The following B4GALT4 variants were observed in gnomAD, a reference collection of about 807,000 sequenced individuals.
B4GALT4 encodes the protein beta-1,4-galactosyltransferase 4.
Under a neutral mutation model 37.3 loss-of-function variants are expected in B4GALT4, and 27 were observed. The ratio of observed to expected loss-of-function variants is 0.72; its 90% CI spans 0.53 to 1.00. B4GALT4 has a LOEUF of 1.00. Ranked by LOEUF, B4GALT4 falls within the 50% of genes least tolerant of loss-of-function variation. The pLI is 0.00. For synonymous variants in B4GALT4, 148 were observed against 154.1 expected (o/e 0.96, Z 0.29); for missense variants, 372 against 413.1 (o/e 0.90, Z 0.86).
intron 2 of B4GALT4, chr3:119,235,376 G>C (rs1471082817): frequency 6.6e-6 from 1 of 152,134 alleles, no homozygotes; most frequent in Non-Finnish European, 1.5e-5. Context: ...AAGGAGAAAG[G>C]GTGTGTTCAT....
intron 1 of B4GALT4, among the ~76,000 whole-genome samples, chr3:119,238,558 T>C (rs2079053445): frequency 1.3e-5 from 2 of 152,192 alleles, no homozygotes; most frequent in Non-Finnish European, 2.9e-5. Flanking sequence ...CGGTAAGATA[T>C]TTTGAGAAAG....
chr3:119,217,627 G>C lies in B4GALT4; in HGVS notation c.797+1023C>G, dbSNP rs370508968. Among the ~76,000 whole-genome samples, 4 of 152,270 alleles carry C rather than the reference G, an allele frequency of 2.6e-5. No homozygotes were observed. The East Asian group carries it at 5.8e-4, about 22-fold the overall frequency. ...AGGCCAAGGCAGACAGATCACCTGA[G>C]GTCAGGAGTTCGAGATCAGCCTGGC... On this transcript the variant is annotated intron_variant, in intron 6 of 7. Coordinates refer to ENST00000393765, the MANE Select transcript of B4GALT4 (RefSeq NM_003778.4).
intron 7 of B4GALT4, 137 bp downstream of exon 7, chr3:119,216,103 G>A: frequency 3.5e-6 from 2 of 567,580 alleles, no homozygotes; most frequent in Non-Finnish European, 5.6e-6. Flanking sequence ...CTCTCCTTTT[G>A]TGTCTGTTTG....
chr3:119,227,089 G>C (rs2078643951), intron 3 of B4GALT4, 48 bp from the exon 4 acceptor site: 5 of 1,553,160 alleles, frequency 3.2e-6, no homozygotes, highest in Non-Finnish European at 2.7e-6. Flanking sequence ...ACTTCAAAAA[G>C]TGTTGAGGTT....
At chr3:119,216,426 TTA>T in intron 6 of B4GALT4, 82 bp from the exon 7 acceptor site, 7 of 786,600 alleles carry the variant, frequency 8.9e-6, no homozygotes, top group African/African-American at 2.3e-5. Context: ...TTGCGAAAAT[TTA>T]TACACACACA....
At chr3:119,218,906 C>T (rs1273545964) in intron 5 of B4GALT4, 134 bp from the exon 6 acceptor site, 10 of 1,040,776 alleles carry the variant, frequency 9.6e-6, no homozygotes, top group Non-Finnish European at 1.4e-5. Context: ...TGCTTGACAC[C>T]CACCTCCCAA....
intron 3 of B4GALT4, 110 bp downstream of exon 3, chr3:119,229,737 G>T: frequency 8.7e-7 from 1 of 1,155,912 alleles, no homozygotes; most frequent in Non-Finnish European, 1.2e-6. Flanking sequence ...TGACACAGGA[G>T]ATATATATAT....
At chr3:119,219,349 T>C (rs1383060438) in intron 5 of B4GALT4, among the ~76,000 whole-genome samples, 5 of 152,212 alleles carry the variant, frequency 3.3e-5, no homozygotes, top group African/African-American at 9.6e-5. Flanking sequence ...CCCTCTGAAG[T>C]TTCTGGCCTG....
In B4GALT4 at chr3:119,212,584, T is replaced by C. The variant is rs150966320; in HGVS notation, c.1000A>G (p.Ile334Val). The change falls in exon 8 of 8, where the codon ATC becomes GTC. Residue 334 changes from isoleucine to valine, a missense_variant. By Grantham distance (29) the Ile-to-Val change is conservative. Transcript: ENST00000393765. ...AACCAGAAATCCACTGTGATGTTGATATATAAAGGATTGTGTTCCACAGAT... is the reference window on the plus strand; with the variant it reads ...AACCAGAAATCCACTGTGATGTTGACATATAAAGGATTGTGTTCCACAGAT... ...LVSVEHNPLY[I>V]NITVDFWFGA is the part of the protein sequence containing the mutation. The C allele has an allele frequency of 1.9e-5, 31 of 1,610,586 alleles. No individual in the cohort carries two copies. Among genetic ancestry groups the C allele is most frequent in the East Asian group, 1.6e-4 (7 of 44,854 alleles).
intron 1 of B4GALT4, among the ~76,000 whole-genome samples, chr3:119,239,843 AAG>A (rs747571501): frequency 3.3e-5 from 5 of 152,052 alleles, no homozygotes; most frequent in Non-Finnish European, 7.4e-5. Flanking sequence ...CTCCTCTCCC[AAG>A]AGAGACCTTC....
Position 119,230,256 on chromosome 3 carries a change from T to A in B4GALT4, c.-145-12A>T. On this transcript the variant is annotated splice_polypyrimidine_tract_variant and intron_variant, in intron 2 of 7. Transcript: ENST00000393765. ...TCTGCTCCAACAGTCTAAAACGCAA[T>A]CACAAAAGACACGTTGTTTCAAATG... The A allele has an allele frequency of 1.1e-6, 1 of 927,326 alleles. No individual in the cohort carries two copies. The highest frequency in any genetic ancestry group is 1.6e-6 in the Non-Finnish European group (1 of 624,850). 57.4% of individuals were successfully genotyped at this position (927,326 alleles called of 1,614,324 possible). A position where few individuals can be genotyped will look rare whatever the true frequency, so the allele number is the denominator to read the frequency against.
chr3:119,213,226 GA>G, intron 7 of B4GALT4: 1 of 152,380 alleles, frequency 6.6e-6, no homozygotes, highest in Non-Finnish European at 1.5e-5. Flanking sequence ...GAAGGTGAAG[GA>G]AAAAGCACTC....
chr3:119,236,410 G>A (rs945593927), intron 2 of B4GALT4, among the ~76,000 whole-genome samples: 7 of 152,098 alleles, frequency 4.6e-5, no homozygotes, highest in Non-Finnish European at 1.0e-4. Flanking sequence ...TATGTAAGGG[G>A]TTAATATTAG....
chr3:119,218,167 C>T (rs9867127), intron 6 of B4GALT4, among the ~76,000 whole-genome samples: 150,452 of 152,282 alleles, frequency 0.99, 74,353 homozygotes, highest in Middle Eastern at 1. Flanking sequence ...GTCTCCACAG[C>T]GTGCAGGGCT....
intron 5 of B4GALT4, among the ~76,000 whole-genome samples, chr3:119,221,319 G>C (rs2078443790): frequency 1.3e-5 from 2 of 152,212 alleles, no homozygotes. Flanking sequence ...GAGTCTGAGA[G>C]ACTTGGGGCA....
intron 7 of B4GALT4, 56 bp from the exon 8 acceptor site, chr3:119,212,737 C>CA: frequency 6.8e-7 from 1 of 1,480,116 alleles, no homozygotes; most frequent in South Asian, 1.3e-5. Context: ...GTCTCCACTG[C>CA]ATTTTGCCTT....
chr3:119,236,360 T>A (rs2078985186), intron 2 of B4GALT4: 1 of 151,552 alleles, frequency 6.6e-6, no homozygotes, highest in South Asian at 2.1e-4. Flanking sequence ...TTCAATAAAG[T>A]TTGTAGTTTA....
chr3:119,240,531 C>G (rs970423207), intron 1 of B4GALT4: 1 of 152,270 alleles, frequency 6.6e-6, no homozygotes, highest in African/African-American at 2.4e-5. Context: ...GAATCGTGAC[C>G]TGGGGTATGA....
Position 119,226,729 on chromosome 3 carries a change from CATAG to C in B4GALT4, c.486+76_486+79del, listed in dbSNP as rs1576915180. On this transcript the variant is annotated intron_variant, in intron 4 of 7. Transcript: ENST00000393765. ...ATAGTCTGATGTTCCTTTTACCCAA[CATAG>C]ACAAACAGTCACATGGCCAAGTCTG... 2.0e-5 allele frequency: 25 copies of C among 1,229,832 alleles called. No individual in the cohort carries two copies. The East Asian group carries it at 6.2e-4, about 30-fold the overall frequency. 76.2% of individuals were successfully genotyped at this position (1,229,832 alleles called of 1,614,324 possible). A position where few individuals can be genotyped will look rare whatever the true frequency, so the allele number is the denominator to read the frequency against.
Sources: gnomAD v4.1 joint callset for allele counts (sites outside exome capture counted in the v4.1 genomes callset) on GRCh38, gnomAD v4.1.1 for gene constraint, MANE v1.5 for transcripts, NCBI Gene and HGNC (gene_info 2026-07-23, HGNC 2026-07-21) for gene names.